Variants in FHIT observed in about 807,000 individuals in gnomAD.
The protein encoded by FHIT is bis(5'-adenosyl)-triphosphatase.
FHIT carries 19 observed loss-of-function variants against 17.9 expected under a neutral mutation model. That is an observed-to-expected ratio of 1.06 (90% CI 0.74 to 1.56). FHIT has a LOEUF of 1.56. Among genes scored for constraint, FHIT ranks in the 40% most tolerant of loss-of-function variants. FHIT has a pLI of 0.00. For synonymous variants in FHIT, 81 were observed against 69.7 expected (o/e 1.16, Z -0.81); for missense variants, 248 against 189.2 (o/e 1.31, Z -1.82).
intron 5 of FHIT, among the ~76,000 whole-genome samples, chr3:60,218,971 A>G (rs1344478883): frequency 1.3e-5 from 2 of 152,096 alleles, no homozygotes; most frequent in Non-Finnish European, 2.9e-5. Context: ...TTCTTCCAAT[A>G]TTCTTTCCTA....
chr3:60,620,875 A>G (rs1195443412), intron 4 of FHIT, among the ~76,000 whole-genome samples: 2 of 152,194 alleles, frequency 1.3e-5, no homozygotes, highest in African/African-American at 4.8e-5. Context: ...AGTGTTAATT[A>G]TAAAGGAAAC....
chr3:60,059,187 T>A (rs1253535078), intron 5 of FHIT, among the ~76,000 whole-genome samples: 1 of 152,136 alleles, frequency 6.6e-6, no homozygotes, highest in South Asian at 2.1e-4. Context: ...TCTTCCTATA[T>A]TGATAGGAAA....
At chr3:60,441,774 ATG>A (rs1559916199) in intron 5 of FHIT, among the ~76,000 whole-genome samples, 9 of 84,002 alleles carry the variant, frequency 1.1e-4, no homozygotes, top group African/African-American at 4.0e-4. Flanking sequence ...ATATATTTAT[ATG>A]TATAAAAATA....
chr3:60,748,509 G>A (rs749989626), intron 4 of FHIT, among the ~76,000 whole-genome samples: 18 of 152,004 alleles, frequency 1.2e-4, no homozygotes, highest in African/African-American at 1.7e-4. Context: ...ACATCCTCCC[G>A]TATAATTTAA....
chr3:59,970,902 A>G (rs1439432086), intron 7 of FHIT, among the ~76,000 whole-genome samples: 1 of 131,008 alleles, frequency 7.6e-6, no homozygotes. Flanking sequence ...GAACTAGTTG[A>G]CGGAACAAGC....
intron 2 of FHIT, among the ~76,000 whole-genome samples, chr3:61,109,493 GT>G (rs889156323): frequency 6.6e-6 from 1 of 152,064 alleles, no homozygotes; most frequent in Non-Finnish European, 1.5e-5. Flanking sequence ...TAAACTGCAT[GT>G]TTTTTGCAAG....
chr3:60,238,225 C>T (rs1704915310), intron 5 of FHIT, among the ~76,000 whole-genome samples: 1 of 150,592 alleles, frequency 6.6e-6, no homozygotes, highest in Admixed American at 6.6e-5. Flanking sequence ...TTAATGAGTT[C>T]CTCAGGTTTT....
At chr3:60,966,888 G>T (rs1055720193) in intron 3 of FHIT, among the ~76,000 whole-genome samples, 1 of 152,100 alleles carries the variant, frequency 6.6e-6, no homozygotes, top group Non-Finnish European at 1.5e-5. Context: ...ATTTGATTTG[G>T]TCTATAAATT....
At chr3:60,314,099 T>C (rs1035208312) in intron 5 of FHIT, among the ~76,000 whole-genome samples, 2 of 77,996 alleles carry the variant, frequency 2.6e-5, no homozygotes, top group Admixed American at 3.3e-4. Flanking sequence ...ACTGGCTTTA[T>C]TTAGCTTGCA....
chr3:60,207,764 T>C (rs145299841), intron 5 of FHIT, among the ~76,000 whole-genome samples: 25 of 152,308 alleles, frequency 1.6e-4, no homozygotes, highest in African/African-American at 6.0e-4. Flanking sequence ...GGCATTGTCA[T>C]GAGAATGTGT....
chr3:61,077,730 C>A (rs1266626944), intron 2 of FHIT, among the ~76,000 whole-genome samples: 1 of 152,124 alleles, frequency 6.6e-6, no homozygotes, highest in African/African-American at 2.4e-5. Context: ...TTCCTTACAT[C>A]CCACACTTCA....
At chr3:60,169,469 T>TA (rs1450904125) in intron 5 of FHIT, among the ~76,000 whole-genome samples, 1 of 152,210 alleles carries the variant, frequency 6.6e-6, no homozygotes, top group Non-Finnish European at 1.5e-5. Context: ...ATGAAAACAT[T>TA]AAAAACCATC....
At chr3:61,002,123 A>G (rs541166152) in intron 3 of FHIT, among the ~76,000 whole-genome samples, 3 of 152,218 alleles carry the variant, frequency 2.0e-5, no homozygotes, top group Non-Finnish European at 4.4e-5. Flanking sequence ...ATCATCTCAT[A>G]ATTTATTTGT....
At chr3:61,198,078 C>G (rs138345707) in intron 2 of FHIT, among the ~76,000 whole-genome samples, 2 of 152,150 alleles carry the variant, frequency 1.3e-5, no homozygotes, top group East Asian at 3.9e-4. Context: ...TTGTAAACCT[C>G]CAAACATACC....
chr3:60,421,050 A>AAAGAGAG (rs1702446749), intron 5 of FHIT, among the ~76,000 whole-genome samples: 1 of 148,740 alleles, frequency 6.7e-6, no homozygotes, highest in Non-Finnish European at 1.5e-5. Flanking sequence ...TTTTTTTTCT[A>AAAGAGAG]AAGAGAGAAT....
At chr3:60,847,673 C>A (rs1442516254) in intron 3 of FHIT, among the ~76,000 whole-genome samples, 1 of 152,146 alleles carries the variant, frequency 6.6e-6, no homozygotes, top group East Asian at 1.9e-4. Flanking sequence ...AATTCAGAAA[C>A]TGGAATCCTT....
intron 4 of FHIT, among the ~76,000 whole-genome samples, chr3:60,585,039 A>G (rs1043973190): frequency 6.6e-6 from 1 of 152,004 alleles, no homozygotes; most frequent in African/African-American, 2.4e-5. Flanking sequence ...AACTATTTTA[A>G]TACAATCCTT....
At chr3:60,935,228 T>C (rs1553772788) in intron 3 of FHIT, among the ~76,000 whole-genome samples, 1 of 152,234 alleles carries the variant, frequency 6.6e-6, no homozygotes, top group Non-Finnish European at 1.5e-5. Flanking sequence ...TTTAAATCCA[T>C]GTATTCTTCC....
At chr3:60,367,494 G>A (rs772215217) in intron 5 of FHIT, among the ~76,000 whole-genome samples, 1 of 152,158 alleles carries the variant, frequency 6.6e-6, no homozygotes, top group African/African-American at 2.4e-5. Context: ...CAAAAACGAG[G>A]AAGTGGGAAA....
Sources: allele counts gnomAD v4.1 joint callset (sites outside exome capture counted in the v4.1 genomes callset), GRCh38; gene constraint gnomAD v4.1.1; transcripts MANE v1.5; gene names NCBI Gene and HGNC (gene_info 2026-07-23, HGNC 2026-07-21).